LMF1: variants seen among roughly 807,000 people sequenced by gnomAD.
LMF1 encodes the protein lipase maturation factor 1.
Under a neutral mutation model 60.6 loss-of-function variants are expected in LMF1, and 68 were observed. The ratio of observed to expected loss-of-function variants is 1.12; its 90% CI spans 0.92 to 1.37. The LOEUF (loss-of-function observed/expected upper bound fraction) is 1.37, where lower values mean the gene tolerates loss of function less well. LMF1 is among the 40% of genes most tolerant of loss of function. The probability of loss-of-function intolerance (pLI) is 0.00; values close to 1 mark genes in which losing one functional copy is unlikely to be tolerated. For synonymous variants in LMF1, 418 were observed against 324.7 expected (o/e 1.29, Z -3.09); for missense variants, 948 against 767.2 (o/e 1.24, Z -2.78).
chr16:946,298 T>C (rs1234019972), intron 2 of LMF1, among the ~76,000 whole-genome samples: 1 of 152,214 alleles, frequency 6.6e-6, no homozygotes, highest in Non-Finnish European at 1.5e-5. Flanking sequence ...TGTAGCCACT[T>C]GTGTGCTTTC....
intron 3 of LMF1, among the ~76,000 whole-genome samples, chr16:918,917 C>T (rs2071354520): frequency 7.6e-6 from 1 of 132,214 alleles, no homozygotes; most frequent in East Asian, 2.0e-4. Context: ...GGGGTGGGCG[C>T]CTGCTCAGAG....
intron 6 of LMF1, among the ~76,000 whole-genome samples, chr16:877,749 A>G (rs1429806700): frequency 6.6e-6 from 1 of 152,142 alleles, no homozygotes; most frequent in African/African-American, 2.4e-5. Context: ...CCAGCAGGGG[A>G]GAAAGGGATG....
At chr16:928,729 ACCCCCACGGGCCCATCCCCACG>A (rs1456928765) in intron 3 of LMF1, among the ~76,000 whole-genome samples, 51 of 87,208 alleles carry the variant, frequency 5.8e-4, no homozygotes, top group Admixed American at 2.9e-3. Flanking sequence ...CCCACCCCAC[ACCCCCACGGGCCCATCCCCACG>A]CCCCCACGGG....
Position 897,081 on chromosome 16 carries a change from C to A in LMF1, c.664-4009G>T, listed in dbSNP as rs998328959. ...ACCCACACTGCCCGTGCCACCCTCCCGCTCTGCTCGGAATGCCAGAACTTT... is the reference window on the plus strand; with the variant it reads ...ACCCACACTGCCCGTGCCACCCTCCAGCTCTGCTCGGAATGCCAGAACTTT... On this transcript the variant is annotated intron_variant, in intron 4 of 10. Transcript: ENST00000262301. This position sits in a 1 kb window ranked among gnomAD's most constrained non-coding sequence, Gnocchi z 4.3. Among the ~76,000 whole-genome samples, 1 of 152,224 alleles carries A rather than the reference C, an allele frequency of 6.6e-6. No individual in the cohort carries two copies. The highest frequency in any genetic ancestry group is 1.5e-5 in the Non-Finnish European group (1 of 68,038).
At chr16:857,181 G>T (rs2069211373) in intron 10 of LMF1, among the ~76,000 whole-genome samples, 1 of 152,242 alleles carries the variant, frequency 6.6e-6, no homozygotes, top group Non-Finnish European at 1.5e-5. Flanking sequence ...AAGGACAGCT[G>T]AGCTCTTTGC....
intron 1 of LMF1, among the ~76,000 whole-genome samples, chr16:954,946 C>A (rs75991664): frequency 2.0e-5 from 2 of 99,908 alleles, no homozygotes; most frequent in African/African-American, 4.5e-5. Flanking sequence ...GCAGCAGACG[C>A]GGTGTGTGCA....
intron 3 of LMF1, among the ~76,000 whole-genome samples, chr16:928,237 G>C (rs1382793378): frequency 6.6e-6 from 1 of 152,176 alleles, no homozygotes; most frequent in Non-Finnish European, 1.5e-5. Flanking sequence ...CATAACCACA[G>C]TCCAATCCCA....
Position 893,861 on chromosome 16 carries a change from G to A in LMF1, c.664-789C>T, listed in dbSNP as rs923619510. On this transcript the variant is annotated intron_variant, in intron 4 of 10. Transcript: ENST00000262301. ...GCTGAGACACAGATTCACATCCAGC[G>A]TCTCTCACACACTGGTGCATGGGAG... Among the ~76,000 whole-genome samples, 21 of 152,194 alleles carry A rather than the reference G, an allele frequency of 1.4e-4. 1 individual carries two copies. The highest frequency in any genetic ancestry group is 4.8e-4 in the African/African-American group (20 of 41,492).
At chr16:866,035 A>G (rs956345426) in intron 10 of LMF1, among the ~76,000 whole-genome samples, 6 of 152,204 alleles carry the variant, frequency 3.9e-5, no homozygotes, top group African/African-American at 1.4e-4. Context: ...GTTCATAATT[A>G]CTGCATGCGT....
intron 4 of LMF1, 134 bp downstream of exon 4, chr16:910,797 C>T (rs1052441596): frequency 2.8e-5 from 31 of 1,112,968 alleles, no homozygotes; most frequent in Non-Finnish European, 3.6e-5. Flanking sequence ...GAGTGCGCAG[C>T]TGGCCAGGCC....
chr16:866,684 G>A (rs1456407802), intron 10 of LMF1, among the ~76,000 whole-genome samples: 1 of 152,170 alleles, frequency 6.6e-6, no homozygotes, highest in Non-Finnish European at 1.5e-5. Flanking sequence ...GTGGGGCCAT[G>A]GTTTTTTCTG....
intron 5 of LMF1, among the ~76,000 whole-genome samples, chr16:890,251 C>T (rs760402863): frequency 6.6e-6 from 1 of 152,226 alleles, no homozygotes; most frequent in African/African-American, 2.4e-5. Context: ...TCTGAACGCT[C>T]GCTACTCCAG....
chr16:895,658 C>T (rs1472165124), intron 4 of LMF1, among the ~76,000 whole-genome samples: 9 of 152,240 alleles, frequency 5.9e-5, no homozygotes, highest in African/African-American at 1.9e-4. Flanking sequence ...GGCTGCACCG[C>T]GCCCTGAAGG....
intron 1 of LMF1, chr16:964,204 G>A (rs1030029453): frequency 2.2e-5 from 10 of 446,082 alleles, no homozygotes; most frequent in South Asian, 6.2e-5. Flanking sequence ...GCTGAGGCAG[G>A]AGAATCTCTT....
intron 2 of LMF1, among the ~76,000 whole-genome samples, chr16:937,394 G>A (rs1016635394): frequency 5.3e-5 from 8 of 152,138 alleles, no homozygotes; most frequent in African/African-American, 9.7e-5. Flanking sequence ...TTGGATGGTC[G>A]GGGTTAACAC....
intron 10 of LMF1, among the ~76,000 whole-genome samples, chr16:862,666 A>C (rs1403639327): frequency 1.3e-5 from 2 of 151,952 alleles, no homozygotes; most frequent in Non-Finnish European, 2.9e-5. Context: ...GGGACCAGCC[A>C]GGGCACCATG....
chr16:979,787 G>A (rs1367523756), intron 1 of LMF1: 5 of 453,972 alleles, frequency 1.1e-5, no homozygotes, highest in Non-Finnish European at 1.8e-5. Flanking sequence ...GGGGTGGAAG[G>A]TGGCACAGTT....
At chr16:972,839 G>C (rs538570171), upstream of LMF1, among the ~76,000 whole-genome samples, 1 of 152,360 alleles carries the variant, frequency 6.6e-6, no homozygotes, top group South Asian at 2.1e-4. Context: ...GTCAGCGGAA[G>C]GGTCTGCTGG....
rs375124751 is a variant in LMF1 at position 954,500 on chromosome 16, T to C, written c.360A>G (p.Ser120=). 9 of 1,612,894 alleles carry C rather than the reference T, an allele frequency of 5.6e-6. No homozygotes were observed. Among genetic ancestry groups the C allele is most frequent in the Non-Finnish European group, 5.9e-6 (7 of 1,179,580 alleles). ...GCAAGTCCAGGTTGGAGTTCATGTC[T>C]GACCAGTCCATCAGCCAGAGGATGG... ...MPTILWLMDW[S]DMNSNLDLLA... Residue 120 remains serine (S), a synonymous_variant, in exon 2 of 11, where the codon TCA becomes TCG. Transcript: ENST00000262301.
Sources: allele counts gnomAD v4.1 joint callset (sites outside exome capture counted in the v4.1 genomes callset), GRCh38; gene constraint gnomAD v4.1.1; non-coding constraint Gnocchi (gnomAD v3.1); transcripts MANE v1.5; gene names NCBI Gene and HGNC (gene_info 2026-07-23, HGNC 2026-07-21).